PAX7: variants seen among roughly 807,000 people sequenced by gnomAD.
PAX7 encodes paired box protein Pax-7.
Under a neutral mutation model 50.7 loss-of-function variants are expected in PAX7, and 18 were observed. The observed-to-expected ratio is 0.36, with a 90% CI of 0.25 to 0.53. The LOEUF is 0.53. PAX7 is among the 20% of genes least tolerant of loss of function. The pLI is 0.93. For synonymous variants in PAX7, 310 were observed against 290.4 expected (o/e 1.07, Z -0.69); for missense variants, 644 against 702.9 (o/e 0.92, Z 0.95).
At chr1:18,647,490 G>A (rs1396962148) in intron 4 of PAX7, among the ~76,000 whole-genome samples, 2 of 151,298 alleles carry the variant, frequency 1.3e-5, no homozygotes, top group Non-Finnish European at 3.0e-5. Flanking sequence ...ATTGGGCGGG[G>A]TGGGGGGGGA....
At chr1:18,643,792 C>T (rs998987473) in intron 4 of PAX7, among the ~76,000 whole-genome samples, 3 of 152,226 alleles carry the variant, frequency 2.0e-5, no homozygotes, top group Admixed American at 1.3e-4. Flanking sequence ...TCGCTGCGAT[C>T]CTGCCGCTTA....
At chr1:18,737,661 C>T (rs116836725) in intron 8 of PAX7, among the ~76,000 whole-genome samples, 130 of 152,334 alleles carry the variant, frequency 8.5e-4, no homozygotes, top group East Asian at 4.6e-3. Flanking sequence ...ACTTCACATG[C>T]GTGCACATAA....
intron 7 of PAX7, among the ~76,000 whole-genome samples, chr1:18,725,291 G>A (rs893891214): frequency 6.5e-5 from 8 of 122,588 alleles, no homozygotes; most frequent in African/African-American, 1.1e-4. Flanking sequence ...ACCAATTACA[G>A]AGGTGGAGAC....
At chr1:18,701,122 T>C (rs936344958) in intron 6 of PAX7, among the ~76,000 whole-genome samples, 1 of 151,832 alleles carries the variant, frequency 6.6e-6, no homozygotes, top group African/African-American at 2.4e-5. Context: ...TCTGCACTTC[T>C]AAAAATCCCC....
intron 4 of PAX7, among the ~76,000 whole-genome samples, chr1:18,671,768 G>C (rs1042058686): frequency 6.6e-6 from 1 of 151,338 alleles, no homozygotes; most frequent in Non-Finnish European, 1.5e-5. Context: ...AGGATCACTC[G>C]AGGCCAGGAG....
At position 18,744,956 on chromosome 1, in the gene PAX7, C is replaced by A; in HGVS notation, c.*27C>A. ...GCCCCTGGGGCGACTTGCCCCAGCC[C>A]AATTCCCAGCCCAACCCTAACTGAC... is the stretch of plus-strand genomic sequence containing the variant. On this transcript the variant is annotated 3_prime_UTR_variant, in exon 9 of 9. Coordinates refer to ENST00000420770, the MANE Select transcript of PAX7 (RefSeq NM_001135254.2). 1.5e-6 allele frequency: 2 copies of A among 1,321,148 alleles called. No homozygotes were observed. The highest frequency in any genetic ancestry group is 2.1e-6 in the Non-Finnish European group (2 of 937,290). 81.8% of individuals were successfully genotyped at this position (1,321,148 alleles called of 1,614,324 possible). A position where few individuals can be genotyped will look rare whatever the true frequency, so the allele number is the denominator to read the frequency against.
chr1:18,739,974 G>A (rs72943149), intron 8 of PAX7, among the ~76,000 whole-genome samples: 2 of 152,282 alleles, frequency 1.3e-5, no homozygotes, highest in South Asian at 2.1e-4. Flanking sequence ...TGTCTAGAAG[G>A]GTCCTCCTCT....
rs1931428618 is a variant in PAX7, at chr1:18,746,150, A to T, written c.*1221A>T. 4.3e-6 allele frequency: 1 copy of T among 231,906 alleles called. No homozygotes were observed. The highest frequency in any genetic ancestry group is 8.5e-6 in the Non-Finnish European group (1 of 117,222). The allele number at this position is 231,906 out of a possible 1,614,324, so 14.4% of individuals were successfully genotyped here. A position where few individuals can be genotyped will look rare whatever the true frequency, so the allele number is the denominator to read the frequency against. Reference sequence around the variant, plus strand: ...GCAGGGATGGTTTGCCCCACAGACAAGATGATCCCCCCTGGCATGTTGTTA... The same window carrying T: ...GCAGGGATGGTTTGCCCCACAGACATGATGATCCCCCCTGGCATGTTGTTA... On this transcript the variant is annotated 3_prime_UTR_variant, in exon 9 of 9. Coordinates refer to ENST00000420770, the MANE Select transcript of PAX7 (RefSeq NM_001135254.2).
At chr1:18,705,447 G>C (rs2089271118) in intron 7 of PAX7, among the ~76,000 whole-genome samples, 1 of 152,168 alleles carries the variant, frequency 6.6e-6, no homozygotes, top group East Asian at 1.9e-4. Context: ...TCTGTGTGCA[G>C]CTGTCTTGCT....
intron 8 of PAX7, among the ~76,000 whole-genome samples, chr1:18,737,887 T>C (rs1195715654): frequency 6.6e-6 from 1 of 152,236 alleles, no homozygotes; most frequent in Non-Finnish European, 1.5e-5. Context: ...TGCGTGTGTA[T>C]AGATGTATAT....
chr1:18,683,837 C>A (rs2088933892), intron 4 of PAX7, among the ~76,000 whole-genome samples: 1 of 151,966 alleles, frequency 6.6e-6, no homozygotes, highest in South Asian at 2.1e-4. Flanking sequence ...GAGACTGTCT[C>A]AAAAATAATA....
Position 18,703,332 on chromosome 1 carries a change from G to A in PAX7, c.1155+36G>A, listed in dbSNP as rs138007970. ...TCAGCCCAGCACCCAGGATCCCACC[G>A]CCACGAAAGTCAGACATCTGCAGAC... On this transcript the variant is annotated intron_variant, in intron 7 of 8. Transcript: ENST00000420770. 2.8e-5 allele frequency: 45 copies of A among 1,585,372 alleles called. No individual in the cohort carries two copies. In the East Asian group the frequency reaches 8.5e-4, roughly 30 times the overall value.
chr1:18,732,824 G>A (rs1007674472), intron 7 of PAX7, among the ~76,000 whole-genome samples: 3 of 152,034 alleles, frequency 2.0e-5, no homozygotes, highest in African/African-American at 4.8e-5. Context: ...ACCATCCCCC[G>A]ACTCCTCCCC....
chr1:18,657,804 TA>T (rs566498384), intron 4 of PAX7, among the ~76,000 whole-genome samples: 10 of 150,684 alleles, frequency 6.6e-5, no homozygotes, highest in Admixed American at 2.0e-4. Flanking sequence ...GAATGCCCCC[TA>T]AAAAAAAAGA....
At chr1:18,640,219 T>G (rs1570107955) in intron 4 of PAX7, among the ~76,000 whole-genome samples, 1 of 151,966 alleles carries the variant, frequency 6.6e-6, no homozygotes, top group Admixed American at 6.6e-5. Context: ...GGAGTGTCGG[T>G]TTTAGACACT....
chr1:18,746,835 C>T lies in PAX7; in HGVS notation c.*1906C>T, dbSNP rs1931462237. On this transcript the variant is annotated 3_prime_UTR_variant, in exon 9 of 9. Coordinates refer to ENST00000420770, the MANE Select transcript of PAX7 (RefSeq NM_001135254.2). Reference sequence around the variant, plus strand: ...CATCTTCAGACTTGGCGATATCAAGCCTGTTCTGGACCATGACCAGGCTGG... The same window carrying T: ...CATCTTCAGACTTGGCGATATCAAGTCTGTTCTGGACCATGACCAGGCTGG... The T allele has an allele frequency of 4.3e-6, 1 of 231,602 alleles. No individual in the cohort carries two copies. Among genetic ancestry groups the T allele is most frequent in the African/African-American group, 2.2e-5 (1 of 45,244 alleles). The allele number at this position is 231,602 out of a possible 1,614,324, so 14.3% of individuals were successfully genotyped here.
intron 4 of PAX7, among the ~76,000 whole-genome samples, chr1:18,648,154 A>AG (rs2088374965): frequency 6.6e-6 from 1 of 152,022 alleles, no homozygotes; most frequent in East Asian, 1.9e-4. Context: ...GGTATAAAGG[A>AG]GGTAGGTGAG....
Position 18,700,926 on chromosome 1 carries a change from T to G in PAX7, c.952+108T>G. The G allele has an allele frequency of 1.8e-6, 2 of 1,101,700 alleles. No individual in the cohort carries two copies. The highest frequency in any genetic ancestry group is 2.4e-6 in the Non-Finnish European group (2 of 816,888). 68.2% of individuals were successfully genotyped at this position (1,101,700 alleles called of 1,614,324 possible). On this transcript the variant is annotated intron_variant, in intron 6 of 8. Transcript: ENST00000420770. This position sits in a 1 kb window ranked among gnomAD's most constrained non-coding sequence, Gnocchi z 4.8. ...TTTTTATGACCATTTCTTACTTTCA[T>G]GTAAGCAGGCTATTGAGAGCAAAAA...
intron 5 of PAX7, among the ~76,000 whole-genome samples, chr1:18,696,912 C>T (rs1289233067): frequency 2.0e-5 from 3 of 152,102 alleles, no homozygotes; most frequent in Admixed American, 6.5e-5. Flanking sequence ...TATAATTGGA[C>T]TGTTTGTAAC....
Sources: gnomAD v4.1 joint callset for allele counts (sites outside exome capture counted in the v4.1 genomes callset) on GRCh38, gnomAD v4.1.1 for gene constraint, Gnocchi (gnomAD v3.1) non-coding constraint, MANE v1.5 for transcripts, NCBI Gene and HGNC (gene_info 2026-07-23, HGNC 2026-07-21) for gene names.